Variants in KIAA1217 observed in about 807,000 individuals in gnomAD.
The protein encoded by KIAA1217 is sickle tail protein homolog.
A neutral mutation model predicts 163.9 loss-of-function variants in KIAA1217; 88 were observed. That is an observed-to-expected ratio of 0.54 (90% CI 0.45 to 0.64). The LOEUF (loss-of-function observed/expected upper bound fraction) is 0.64, where lower values mean the gene tolerates loss of function less well. Among genes scored for constraint, KIAA1217 ranks in the 30% least tolerant of loss-of-function variants. The pLI, the probability that KIAA1217 is intolerant of heterozygous loss-of-function variation, is 0.00. For synonymous variants in KIAA1217, 903 were observed against 923.1 expected (o/e 0.98, Z 0.39); for missense variants, 2,372 against 2,475.0 (o/e 0.96, Z 0.88).
rs753048889 is a variant in KIAA1217 at position 24,531,981 on chromosome 10, C to A, written c.3234C>A (p.Asn1078Lys). The A allele has an allele frequency of 1.3e-6, 2 of 1,575,726 alleles. No individual in the cohort carries two copies. Among genetic ancestry groups the A allele is most frequent in the South Asian group, 1.2e-5 (1 of 85,472 alleles). ...TGGTCTACACCGGCAGAAAGGAGAA[C>A]ATCACCGCTAAGGTCTGATAGGCTA... Reference protein sequence around the residue: ...GDVVYTGRKENITAKASSEDA... With the variant: ...GDVVYTGRKEKITAKASSEDA... The change falls in exon 15 of 21, where the codon AAC (asparagine) becomes AAA (lysine). Residue 1078 changes from asparagine (N) to lysine (K), a missense_variant. Asn to Lys is a moderately conservative substitution (Grantham distance 94). This residue lies in a region of KIAA1217 where 1,431 missense variants were observed against 1,470.3 expected (regional missense o/e 0.97). Transcript: ENST00000376454.
intron 2 of KIAA1217, among the ~76,000 whole-genome samples, chr10:24,364,357 AT>A (rs1000323803): frequency 6.6e-6 from 1 of 152,180 alleles, no homozygotes; most frequent in African/African-American, 2.4e-5. Context: ...CTCCACGTTG[AT>A]TTAGCAGGTA....
At chr10:24,084,561 A>C (rs1033815227) in intron 2 of KIAA1217, among the ~76,000 whole-genome samples, 1 of 152,226 alleles carries the variant, frequency 6.6e-6, no homozygotes, top group Non-Finnish European at 1.5e-5. Context: ...GAAGACTGAG[A>C]GCAGAGACCT....
At chr10:24,058,865 A>G (rs955039298) in intron 2 of KIAA1217, among the ~76,000 whole-genome samples, 3 of 152,040 alleles carry the variant, frequency 2.0e-5, no homozygotes, top group Non-Finnish European at 4.4e-5. Flanking sequence ...TTTATGATGT[A>G]GATGCCTTTT....
At chr10:23,776,679 CTTTT>C (rs34656346) in intron 1 of KIAA1217, among the ~76,000 whole-genome samples, 2 of 117,894 alleles carry the variant, frequency 1.7e-5, no homozygotes, top group Non-Finnish European at 3.5e-5. Flanking sequence ...ACTGTGGGTA[CTTTT>C]TTTTTTTTTT....
chr10:24,217,889 G>C (rs1324572619), intron 1 of KIAA1217, among the ~76,000 whole-genome samples: 1 of 152,156 alleles, frequency 6.6e-6, no homozygotes, highest in Non-Finnish European at 1.5e-5. Flanking sequence ...AAGGCTCTTT[G>C]CATACCTAAT....
intron 2 of KIAA1217, among the ~76,000 whole-genome samples, chr10:24,169,738 G>A (rs982068287): frequency 1.3e-5 from 2 of 152,088 alleles, no homozygotes; most frequent in African/African-American, 4.8e-5. Flanking sequence ...GGAAAAGGGT[G>A]CTTCTCTTAG....
chr10:24,067,559 G>T (rs1424715955), intron 2 of KIAA1217, among the ~76,000 whole-genome samples: 1 of 152,198 alleles, frequency 6.6e-6, no homozygotes, highest in South Asian at 2.1e-4. Context: ...CCCTACTGGG[G>T]GATGCCTCCC....
intron 2 of KIAA1217, among the ~76,000 whole-genome samples, chr10:24,032,496 T>TA (rs772049511): frequency 2.6e-5 from 4 of 152,136 alleles, no homozygotes; most frequent in Non-Finnish European, 4.4e-5. Context: ...ATCCACCTCT[T>TA]AAAGTGCTGG....
chr10:24,535,020 A>T (rs1277976574), intron 16 of KIAA1217, among the ~76,000 whole-genome samples: 1 of 152,088 alleles, frequency 6.6e-6, no homozygotes, highest in Admixed American at 6.6e-5. Context: ...GGCCATAATG[A>T]TTCTCTTGTT....
At chr10:23,947,681 A>T (rs1844119472) in intron 1 of KIAA1217, among the ~76,000 whole-genome samples, 1 of 152,190 alleles carries the variant, frequency 6.6e-6, no homozygotes, top group African/African-American at 2.4e-5. Flanking sequence ...ATATTGATTG[A>T]TTGCCTTACT....
intron 1 of KIAA1217, among the ~76,000 whole-genome samples, chr10:24,219,135 G>A (rs553664374): frequency 3.9e-5 from 6 of 152,098 alleles, no homozygotes; most frequent in Non-Finnish European, 7.3e-5. Flanking sequence ...TTGAGACAGG[G>A]TCTCACAACT....
intron 2 of KIAA1217, among the ~76,000 whole-genome samples, chr10:24,060,972 A>C (rs1235634182): frequency 6.6e-6 from 1 of 152,128 alleles, no homozygotes; most frequent in African/African-American, 2.4e-5. Flanking sequence ...AGGTTGCTCA[A>C]ATTCACTGTA....
At chr10:23,727,570 A>G (rs76884394) in intron 1 of KIAA1217, among the ~76,000 whole-genome samples, 1 of 152,006 alleles carries the variant, frequency 6.6e-6, no homozygotes, top group African/African-American at 2.4e-5. Context: ...AAAAAAATTT[A>G]AAAAAAAGTT....
intron 1 of KIAA1217, among the ~76,000 whole-genome samples, chr10:23,929,579 C>T (rs1020015357): frequency 1.3e-5 from 2 of 152,126 alleles, no homozygotes; most frequent in African/African-American, 4.8e-5. Context: ...TTTTCTGTTC[C>T]TGTGTTAATT....
intron 2 of KIAA1217, among the ~76,000 whole-genome samples, chr10:24,255,797 A>G (rs2075090550): frequency 6.6e-6 from 1 of 152,296 alleles, no homozygotes; most frequent in South Asian, 2.1e-4. Flanking sequence ...GCAGAGAATG[A>G]TTGCCCACAG....
At chr10:23,763,472 A>G (rs1223072987) in intron 1 of KIAA1217, among the ~76,000 whole-genome samples, 1 of 152,148 alleles carries the variant, frequency 6.6e-6, no homozygotes, top group African/African-American at 2.4e-5. Context: ...ATTTACAACC[A>G]TCTGATCTTC....
At chr10:24,158,460 G>GT (rs1313565570) in intron 2 of KIAA1217, 1 of 547,742 alleles carries the variant, frequency 1.8e-6, no homozygotes, top group Non-Finnish European at 3.7e-6. Context: ...GAAATTGAAT[G>GT]TATATTCATT....
chr10:24,096,400 C>T (rs1277994156), intron 2 of KIAA1217, among the ~76,000 whole-genome samples: 1 of 152,208 alleles, frequency 6.6e-6, no homozygotes, highest in African/African-American at 2.4e-5. Context: ...ACTCCTCCTC[C>T]TATTTAGTCA....
intron 5 of KIAA1217, among the ~76,000 whole-genome samples, chr10:24,444,514 G>T (rs2060763424): frequency 6.6e-6 from 1 of 152,152 alleles, no homozygotes; most frequent in Non-Finnish European, 1.5e-5. Context: ...AAAGCCACAA[G>T]CCATATTATG....
Sources: allele counts gnomAD v4.1 joint callset (sites outside exome capture counted in the v4.1 genomes callset), GRCh38; gene constraint gnomAD v4.1.1; regional missense constraint gnomAD v4.1.1; transcripts MANE v1.5; gene names NCBI Gene and HGNC (gene_info 2026-07-23, HGNC 2026-07-21).